ANKRD24: variants seen among roughly 807,000 people sequenced by gnomAD.
ANKRD24 encodes the protein ankyrin repeat domain-containing protein 24.
Under a neutral mutation model 127.8 loss-of-function variants are expected in ANKRD24, and 109 were observed. That is an observed-to-expected ratio of 0.85 (90% CI 0.73 to 1.00). ANKRD24 has a LOEUF of 1.00. Ranked by LOEUF, ANKRD24 falls within the 50% of genes least tolerant of loss-of-function variation. ANKRD24 has a pLI of 0.00. For synonymous variants in ANKRD24, 743 were observed against 671.1 expected (o/e 1.11, Z -1.66); for missense variants, 1,648 against 1,570.2 (o/e 1.05, Z -0.84).
chr19:4,192,966 G>A (rs936570956), intron 2 of ANKRD24, among the ~76,000 whole-genome samples: 1 of 151,144 alleles, frequency 6.6e-6, no homozygotes, highest in African/African-American at 2.4e-5. Context: ...TAAAAAATGA[G>A]AGTAAACAGA....
chr19:4,224,032 G>A (rs928084320), intron 20 of ANKRD24, 95 bp from the exon 21 acceptor site: 9 of 942,818 alleles, frequency 9.5e-6, no homozygotes, highest in East Asian at 2.6e-5. Context: ...GGCCATCAAC[G>A]TACAGGCTTG....
rs1464199531 is a variant in ANKRD24, at chr19:4,217,713, G to A, written c.2553G>A (p.Glu851=). Residue 851 remains glutamate, a synonymous_variant, in exon 18 of 22, where the codon GAG becomes GAA. Transcript: ENST00000318934. ...EARLEQSREL[E]VLREQLATAR... is the part of the protein sequence containing the mutation. ...GGCTGGAGCAGAGCCGGGAGCTGGAGGTTCTGCGGGAGCAGCTGGCCACGG... is the reference window on the plus strand; with the variant it reads ...GGCTGGAGCAGAGCCGGGAGCTGGAAGTTCTGCGGGAGCAGCTGGCCACGG... 11 of 1,293,024 alleles carry A rather than the reference G, an allele frequency of 8.5e-6. No homozygotes were observed. The African/African-American group carries it at 1.4e-4, about 17-fold the overall frequency. 80.1% of individuals were successfully genotyped at this position (1,293,024 alleles called of 1,614,324 possible).
At chr19:4,223,401 A>ATATATATAT (rs1192232980) in intron 20 of ANKRD24, among the ~76,000 whole-genome samples, 2 of 53,342 alleles carry the variant, frequency 3.7e-5, no homozygotes, top group East Asian at 5.1e-4. Context: ...ATATATATAT[A>ATATATATAT]TTTTTTTTTT....
At position 4,199,745 on chromosome 19, in the gene ANKRD24, G is replaced by A. The variant is rs561308791; in HGVS notation, c.99G>A (p.Lys33=). ...CCTGCGGCCCCTGCCCCATCCCGAA[G>A]CCGGCAGCCAGAGGCAGGCGCCAGG... ...CPPCGPCPIP[K]PAARGRRQSQ... is the part of the protein sequence containing the mutation. The change falls in exon 3 of 22, where the codon AAG becomes AAA. Residue 33 remains lysine, a synonymous_variant. Coordinates refer to ENST00000318934, the MANE Select transcript of ANKRD24 (RefSeq NM_001393985.1). This position sits in a 1 kb window ranked among gnomAD's most constrained non-coding sequence, Gnocchi z 5.2. 5 of 1,538,078 alleles carry A rather than the reference G, an allele frequency of 3.3e-6. No individual in the cohort carries two copies. In the South Asian group the frequency reaches 6.0e-5, roughly 18 times the overall value.
Position 4,212,470 on chromosome 19 carries a change from G to C in ANKRD24, c.1060-5G>C, listed in dbSNP as rs368081092. 1.9e-6 allele frequency: 3 copies of C among 1,575,168 alleles called. No homozygotes were observed. The highest frequency in any genetic ancestry group is 2.7e-5 in the African/African-American group (2 of 73,954). ...CCAAACCCCTGTCCCTGTTTCTCCC[G>C]TCAGTCCCCGGAGGCCAGCTCCCTG... On this transcript the variant is annotated splice_region_variant and splice_polypyrimidine_tract_variant and intron_variant, in intron 13 of 21. Coordinates refer to ENST00000318934, the MANE Select transcript of ANKRD24 (RefSeq NM_001393985.1).
chr19:4,183,470 G>A (rs1311612450), intron 1 of ANKRD24: 3 of 473,800 alleles, frequency 6.3e-6, no homozygotes, highest in Admixed American at 6.4e-5. Flanking sequence ...ACACAAACAT[G>A]TGACCAGGTA....
intron 15 of ANKRD24, among the ~76,000 whole-genome samples, chr19:4,213,062 C>T (rs918682594): frequency 2.6e-5 from 4 of 152,092 alleles, no homozygotes; most frequent in East Asian, 1.9e-4. Flanking sequence ...ACCCGGGAGG[C>T]GTAGTCTGCA....
intron 2 of ANKRD24, among the ~76,000 whole-genome samples, chr19:4,194,919 G>A (rs1055147752): frequency 1.3e-5 from 2 of 152,172 alleles, no homozygotes; most frequent in Non-Finnish European, 2.9e-5. Flanking sequence ...AGGGCTGACA[G>A]TATCCATGGT....
At chr19:4,207,218 C>T (rs777693672) in intron 7 of ANKRD24, 24 bp from the exon 8 acceptor site, 62 of 1,611,166 alleles carry the variant, frequency 3.8e-5, no homozygotes, top group South Asian at 3.7e-4. Flanking sequence ...GCTACCGCAC[C>T]GGACAACCTT....
Position 4,217,998 on chromosome 19 carries a change from G to T in ANKRD24, c.2838G>T (p.Glu946Asp). The T allele has an allele frequency of 6.5e-7, 1 of 1,533,788 alleles. No homozygotes were observed. The change falls in exon 18 of 22, where the codon GAG becomes GAT. Residue 946 changes from glutamate to aspartate, a missense_variant. Physicochemically the swap from Glu to Asp is conservative, Grantham distance 45. Coordinates refer to ENST00000318934, the MANE Select transcript of ANKRD24 (RefSeq NM_001393985.1). ...LEQEVVATGK[E>D]AARLRAELER... ...AGGAGGTGGTGGCCACGGGCAAGGAGGCCGCCCGGCTGCGCGCGGAGCTGG... is the reference window on the plus strand; with the variant it reads ...AGGAGGTGGTGGCCACGGGCAAGGATGCCGCCCGGCTGCGCGCGGAGCTGG...
chr19:4,198,470 C>CCCGCGCA lies in ANKRD24; in HGVS notation c.37-1207_37-1206insACCGCGC. On this transcript the variant is annotated intron_variant, in intron 2 of 21. Coordinates refer to ENST00000318934, the MANE Select transcript of ANKRD24 (RefSeq NM_001393985.1). This position sits in a 1 kb window ranked among gnomAD's most constrained non-coding sequence, Gnocchi z 6.1. ...CCTCCTCTTGGAACCCCGTGCGCCC[C>CCCGCGCA]CCGCGCCCCGCGCCCCGGACGCCAT... 1.6e-6 allele frequency: 1 copy of CCCGCGCA among 618,578 alleles called. No individual in the cohort carries two copies. The highest frequency in any genetic ancestry group is 2.9e-6 in the Non-Finnish European group (1 of 343,892). The allele number at this position is 618,578 out of a possible 1,614,324, so 38.3% of individuals were successfully genotyped here.
In ANKRD24 at chr19:4,217,939, C is replaced by A; in HGVS notation, c.2779C>A (p.Leu927Met). The A allele has an allele frequency of 6.6e-7, 1 of 1,504,704 alleles. No homozygotes were observed. The allele number at this position is 1,504,704 out of a possible 1,614,324, so 93.2% of individuals were successfully genotyped here. A position where few individuals can be genotyped will look rare whatever the true frequency, so the allele number is the denominator to read the frequency against. Residue 927 changes from leucine to methionine, a missense_variant, in exon 18 of 22, where the codon CTG becomes ATG. Transcript: ENST00000318934. The stretch of plus-strand genomic sequence containing the variant: ...GCACCGCCGGCTGCAGGAGGAGGCC[C>A]TGGAGCTGCGGGGCCGGGCAGCCAG... ...SEHRRLQEEA[L>M]ELRGRAASLE...
chr19:4,208,985 G>C (rs1300219360), intron 11 of ANKRD24, 184 bp downstream of exon 11: 1 of 576,048 alleles, frequency 1.7e-6, no homozygotes, highest in African/African-American at 1.9e-5. Flanking sequence ...TCCCAGAACT[G>C]GGTGAGAATA....
intron 20 of ANKRD24, 123 bp downstream of exon 20, chr19:4,222,918 C>T (rs1269157100): frequency 8.8e-7 from 1 of 1,131,562 alleles, no homozygotes. Context: ...GTGGGGTCCA[C>T]ATCACATGCA....
intron 2 of ANKRD24, among the ~76,000 whole-genome samples, chr19:4,188,323 C>G (rs139811965): frequency 2.6e-3 from 387 of 151,690 alleles, no homozygotes; most frequent in African/African-American, 9.0e-3. Context: ...GTCATCCACC[C>G]GCCTTGGCCT....
At chr19:4,213,401 CTTCCT>C (rs149517260) in intron 15 of ANKRD24, among the ~76,000 whole-genome samples, 45,943 of 136,360 alleles carry the variant, frequency 0.34, 8,634 homozygotes, top group Non-Finnish European at 0.42. Context: ...TTCCTTCTTT[CTTCCT>C]TTCCTTTCCT....
At position 4,217,890 on chromosome 19, in the gene ANKRD24, C is replaced by T. The variant is rs1970207791; in HGVS notation, c.2730C>T (p.Arg910=). The T allele has an allele frequency of 7.5e-6, 11 of 1,472,970 alleles. No homozygotes were observed. Among genetic ancestry groups the T allele is most frequent in the African/African-American group, 1.5e-5 (1 of 67,782 alleles). The allele number at this position is 1,472,970 out of a possible 1,614,324, so 91.2% of individuals were successfully genotyped here. The change falls in exon 18 of 22, where the codon CGC becomes CGT. Residue 910 remains arginine (R), a synonymous_variant. Transcript: ENST00000318934. The part of the protein sequence containing the change: ...AELREASEAL[R]QSVVPASEHR... ...TGCGGGAGGCCTCCGAGGCCCTCCG[C>T]CAGTCCGTGGTGCCGGCCTCTGAGC...
chr19:4,214,213 C>T (rs963544677), intron 15 of ANKRD24, among the ~76,000 whole-genome samples: 2 of 151,766 alleles, frequency 1.3e-5, no homozygotes, highest in African/African-American at 4.8e-5. Flanking sequence ...GTTGTCCAGG[C>T]TGGAGTGCGG....
intron 1 of ANKRD24, among the ~76,000 whole-genome samples, chr19:4,185,774 C>T (rs1968027451): frequency 6.6e-6 from 1 of 152,178 alleles, no homozygotes; most frequent in African/African-American, 2.4e-5. Context: ...GGCTTCAGTC[C>T]CCAGGGAGCC....
Sources: allele counts gnomAD v4.1 joint callset (sites outside exome capture counted in the v4.1 genomes callset), GRCh38; gene constraint gnomAD v4.1.1; non-coding constraint Gnocchi (gnomAD v3.1); transcripts MANE v1.5; gene names NCBI Gene and HGNC (gene_info 2026-07-23, HGNC 2026-07-21).